The following STRN3 variants were observed in gnomAD, a reference collection of about 807,000 sequenced individuals.
STRN3 encodes striatin-3.
STRN3 carries 29 observed loss-of-function variants against 95.6 expected under a neutral mutation model. The ratio of observed to expected loss-of-function variants is 0.30; its 90% CI spans 0.23 to 0.41. The LOEUF (loss-of-function observed/expected upper bound fraction) is 0.41, where lower values mean the gene tolerates loss of function less well. Ranked by LOEUF, STRN3 falls within the 10% of genes least tolerant of loss-of-function variation. The pLI is 1.00. For missense variants in STRN3, 890 were observed against 972.1 expected (o/e 0.92, Z 1.12); for synonymous variants, 331 against 357.6 (o/e 0.93, Z 0.84).
At chr14:30,975,836 T>TAAAAAAAA (rs528570710) in intron 1 of STRN3, among the ~76,000 whole-genome samples, 1 of 113,146 alleles carries the variant, frequency 8.8e-6, no homozygotes, top group Non-Finnish European at 1.7e-5. Context: ...CCTGGCTCTT[T>TAAAAAAAA]AAAAAAAAAA....
At position 30,907,008 on chromosome 14, in the gene STRN3, G is replaced by A. The variant is rs764018857; in HGVS notation, c.1757C>T (p.Thr586Ile). 1.2e-6 allele frequency: 2 copies of A among 1,613,686 alleles called. No homozygotes were observed. Among genetic ancestry groups the A allele is most frequent in the South Asian group, 1.1e-5 (1 of 90,996 alleles). ...ATAAGCAAGACCCCAAACTGCATCT[G>A]TATGACCAACTAAAGTGCCAGCTAG... Reference protein sequence around the residue: ...NVLAGTLVGHTDAVWGLAYSG... With the variant: ...NVLAGTLVGHIDAVWGLAYSG... Residue 586 changes from threonine to isoleucine, a missense_variant, in exon 14 of 18, where the codon ACA becomes ATA. By Grantham distance (89) the Thr-to-Ile change is moderately conservative (BLOSUM62 -1). Coordinates refer to ENST00000357479, the MANE Select transcript of STRN3 (RefSeq NM_001083893.2).
chr14:31,004,499 C>G (rs545456884), intron 1 of STRN3, among the ~76,000 whole-genome samples: 2 of 152,136 alleles, frequency 1.3e-5, no homozygotes, highest in East Asian at 3.9e-4. Flanking sequence ...AGAGGCTGGG[C>G]CTGATGGCTC....
intron 1 of STRN3, among the ~76,000 whole-genome samples, chr14:31,009,369 T>C (rs1472308317): frequency 6.6e-6 from 1 of 152,058 alleles, no homozygotes; most frequent in Non-Finnish European, 1.5e-5. Context: ...TTTAGTAGCA[T>C]CCCTGTCCAC....
At chr14:30,939,920 T>C (rs1354226464) in intron 5 of STRN3, among the ~76,000 whole-genome samples, 3 of 152,188 alleles carry the variant, frequency 2.0e-5, no homozygotes, top group African/African-American at 7.2e-5. Flanking sequence ...TTTATTAATA[T>C]TCCATGGTTA....
At chr14:31,013,127 G>A (rs1048326060) in intron 1 of STRN3, among the ~76,000 whole-genome samples, 2 of 151,882 alleles carry the variant, frequency 1.3e-5, no homozygotes, top group African/African-American at 4.8e-5. Flanking sequence ...AATTAGTCAG[G>A]TGTGGAGGCA....
intron 7 of STRN3, among the ~76,000 whole-genome samples, chr14:30,933,511 C>A (rs1878660616): frequency 6.6e-6 from 1 of 151,718 alleles, no homozygotes; most frequent in African/African-American, 2.4e-5. Context: ...AAAAACAATA[C>A]TTTTGAAGTT....
chr14:30,927,620 TA>T (rs113791972), intron 8 of STRN3, among the ~76,000 whole-genome samples: 23,788 of 146,512 alleles, frequency 0.16, 2,025 homozygotes, highest in East Asian at 0.29. Flanking sequence ...TTTATTTCTT[TA>T]AAAAAAAAAA....
intron 1 of STRN3, among the ~76,000 whole-genome samples, chr14:30,986,474 A>C (rs1881698741): frequency 6.6e-6 from 1 of 152,236 alleles, no homozygotes; most frequent in African/African-American, 2.4e-5. Context: ...GTAGCCAGAA[A>C]GGACATATTT....
chr14:30,956,869 T>C (rs72668365), intron 1 of STRN3, among the ~76,000 whole-genome samples: 2,447 of 152,300 alleles, frequency 0.016, 37 homozygotes, highest in South Asian at 0.03. Context: ...CTAGAAAATT[T>C]ATAATCTGAG....
At chr14:30,947,330 A>C in intron 4 of STRN3, 67 bp from the exon 5 acceptor site, 1 of 1,307,340 alleles carries the variant, frequency 7.6e-7, no homozygotes, top group South Asian at 1.6e-5. Context: ...AATCACATCA[A>C]ATTTTAGAAA....
intron 1 of STRN3, among the ~76,000 whole-genome samples, chr14:30,986,641 T>C (rs1358626551): frequency 6.6e-6 from 1 of 152,266 alleles, no homozygotes; most frequent in Non-Finnish European, 1.5e-5. Context: ...CCTAGCATCA[T>C]GCAAATTACA....
At chr14:30,914,238 T>C (rs1246697832) in intron 9 of STRN3, among the ~76,000 whole-genome samples, 1 of 152,220 alleles carries the variant, frequency 6.6e-6, no homozygotes, top group African/African-American at 2.4e-5. Context: ...AAGCTTTAAT[T>C]GTTCAGATTC....
chr14:30,968,605 G>A (rs1011265077), intron 1 of STRN3, among the ~76,000 whole-genome samples: 2 of 151,514 alleles, frequency 1.3e-5, no homozygotes, highest in East Asian at 1.9e-4. Context: ...GCGTGAACCC[G>A]GGAGGCAGAG....
In STRN3 at chr14:30,907,110, A is replaced by G. The variant is rs1896482882; in HGVS notation, c.1721-66T>C. ...GTTTAAAAGAAACTTTGATACATAAAGAAAACTTACCATATAACTGAGCAT... is the reference window on the plus strand; with the variant it reads ...GTTTAAAAGAAACTTTGATACATAAGGAAAACTTACCATATAACTGAGCAT... On this transcript the variant is annotated intron_variant, in intron 13 of 17. Coordinates refer to ENST00000357479, the MANE Select transcript of STRN3 (RefSeq NM_001083893.2). 6 of 1,557,598 alleles carry G rather than the reference A, an allele frequency of 3.9e-6. No homozygotes were observed. The South Asian group carries it at 6.1e-5, about 16-fold the overall frequency.
intron 1 of STRN3, among the ~76,000 whole-genome samples, chr14:30,994,344 A>G (rs941804165): frequency 5.9e-5 from 9 of 152,302 alleles, no homozygotes; most frequent in East Asian, 1.9e-4. Context: ...AATTTCTTTA[A>G]AATCGTTTAG....
chr14:31,008,778 C>A (rs1193549259), intron 1 of STRN3, among the ~76,000 whole-genome samples: 2 of 152,100 alleles, frequency 1.3e-5, no homozygotes, highest in African/African-American at 4.8e-5. Context: ...GTGGTTTACA[C>A]CTGTAATCCC....
intron 1 of STRN3, among the ~76,000 whole-genome samples, chr14:30,985,822 A>G (rs1013023965): frequency 3.3e-5 from 5 of 152,284 alleles, no homozygotes; most frequent in Admixed American, 1.3e-4. Context: ...ATCTTTTGCT[A>G]ATATCTTAGG....
chr14:30,991,472 T>C (rs1327883322), intron 1 of STRN3, among the ~76,000 whole-genome samples: 5 of 152,114 alleles, frequency 3.3e-5, no homozygotes, highest in Non-Finnish European at 7.4e-5. Flanking sequence ...ATTATAATAA[T>C]GGAAGTTCAT....
chr14:31,024,886 C>T (rs1883715170), intron 1 of STRN3, among the ~76,000 whole-genome samples: 1 of 152,104 alleles, frequency 6.6e-6, no homozygotes, highest in African/African-American at 2.4e-5. Context: ...CACAAATACC[C>T]AAGAAAGTTA....
Sources: gnomAD v4.1 joint callset for allele counts (sites outside exome capture counted in the v4.1 genomes callset) on GRCh38, gnomAD v4.1.1 for gene constraint, MANE v1.5 for transcripts, NCBI Gene and HGNC (gene_info 2026-07-23, HGNC 2026-07-21) for gene names.